Variants in KCNAB1 observed in about 807,000 individuals in gnomAD.
KCNAB1 encodes voltage-gated potassium channel subunit beta-1.
Under a neutral mutation model 64.6 loss-of-function variants are expected in KCNAB1, and 35 were observed. The ratio of observed to expected loss-of-function variants is 0.54; its 90% CI spans 0.41 to 0.72. The LOEUF is 0.72. Among genes scored for constraint, KCNAB1 ranks in the 30% least tolerant of loss-of-function variants. The pLI is 0.00. For synonymous variants in KCNAB1, 177 were observed against 183.8 expected, an observed-to-expected ratio of 0.96 and a Z score of 0.30; for missense variants, 401 against 512.9, an observed-to-expected ratio of 0.78 and a Z score of 2.11.
intron 1 of KCNAB1, among the ~76,000 whole-genome samples, chr3:156,382,744 T>A (rs1343730786): frequency 6.6e-6 from 1 of 152,208 alleles, no homozygotes; most frequent in African/African-American, 2.4e-5. Flanking sequence ...ATTGCCAGAC[T>A]GAGACTGTCC....
At position 156,514,423 on chromosome 3, in the gene KCNAB1, T is replaced by C; in HGVS notation, c.718T>C (p.Ser240Pro). The change falls in exon 9 of 14, where the codon TCG becomes CCG. Residue 240 changes from serine to proline, a missense_variant. Coordinates refer to ENST00000490337, the MANE Select transcript of KCNAB1 (RefSeq NM_172160.3). ...AGGCATGGCGATGTACTGGGGCACC[T>C]CGAGATGGAGTGCTATGGAGATCAT... ...NQGMAMYWGT[S>P]RWSAMEIMEA... The C allele has an allele frequency of 6.2e-7, 1 of 1,613,858 alleles. No individual in the cohort carries two copies. The highest frequency in any genetic ancestry group is 8.5e-7 in the Non-Finnish European group (1 of 1,179,742).
At chr3:156,307,097 T>C (rs1259595773) in intron 1 of KCNAB1, among the ~76,000 whole-genome samples, 2 of 152,242 alleles carry the variant, frequency 1.3e-5, no homozygotes. Context: ...TATGTCTTGC[T>C]ACCTAAGTTT....
In KCNAB1 at chr3:156,251,963, G is replaced by T. The variant is rs113579389; in HGVS notation, c.275+131077G>T. On this transcript the variant is annotated intron_variant, in intron 1 of 13. Transcript: ENST00000490337. ...TCAAGAAGTGACTGAGAAAGAAACT[G>T]TTACTTCCAGTCATGACTGCTGCAT... is the stretch of plus-strand genomic sequence containing the variant. 7.9e-4 allele frequency among the ~76,000 whole-genome samples: 121 copies of T among 152,356 alleles called. 1 individual carries two copies. The highest frequency in any genetic ancestry group is 2.7e-3 in the African/African-American group (113 of 41,588).
intron 1 of KCNAB1, among the ~76,000 whole-genome samples, chr3:156,136,418 T>G (rs1053906509): frequency 6.6e-6 from 1 of 152,174 alleles, no homozygotes; most frequent in Non-Finnish European, 1.5e-5. Flanking sequence ...CCTGTGCTCT[T>G]TCTACTATAC....
At chr3:156,353,684 G>T (rs754358519) in intron 1 of KCNAB1, among the ~76,000 whole-genome samples, 2 of 152,158 alleles carry the variant, frequency 1.3e-5, no homozygotes, top group South Asian at 4.1e-4. Flanking sequence ...CTGGCTATTG[G>T]CCAGAGGCCT....
At chr3:156,300,850 A>G (rs1271591713) in intron 1 of KCNAB1, among the ~76,000 whole-genome samples, 6 of 152,226 alleles carry the variant, frequency 3.9e-5, no homozygotes, top group African/African-American at 1.2e-4. Flanking sequence ...ATAGTTGAGT[A>G]TCCAGGTAGA....
At chr3:156,338,264 T>C (rs1307452922) in intron 1 of KCNAB1, among the ~76,000 whole-genome samples, 2 of 149,754 alleles carry the variant, frequency 1.3e-5, no homozygotes, top group African/African-American at 4.9e-5. Context: ...CACTTTCCCT[T>C]GGGGAGTCAC....
At chr3:156,470,028 G>A (rs565260240) in intron 7 of KCNAB1, among the ~76,000 whole-genome samples, 87 of 152,334 alleles carry the variant, frequency 5.7e-4, no homozygotes, top group African/African-American at 2.0e-3. Context: ...AATTGATACA[G>A]AGTTCAGGCC....
At position 156,474,801 on chromosome 3, in the gene KCNAB1, C is replaced by T. The variant is rs1198458027; in HGVS notation, c.639C>T (p.Asp213=). The change falls in exon 8 of 14, where the codon GAC becomes GAT. Residue 213 remains aspartate, a synonymous_variant. Coordinates refer to ENST00000490337, the MANE Select transcript of KCNAB1 (RefSeq NM_172160.3). ...ATGTGGTCTTTGCAAATCGACCGGA[C>T]AGTAACACTCCCATGGAAGGTAAGT... is the stretch of plus-strand genomic sequence containing the variant. The part of the protein sequence containing the change: ...YVDVVFANRP[D]SNTPMEEIVR... 2 of 1,612,616 alleles carry T rather than the reference C, an allele frequency of 1.2e-6. No individual in the cohort carries two copies. The highest frequency in any genetic ancestry group is 1.7e-6 in the Non-Finnish European group (2 of 1,178,922).
chr3:156,134,856 T>C (rs1714229509), intron 1 of KCNAB1, among the ~76,000 whole-genome samples: 1 of 152,240 alleles, frequency 6.6e-6, no homozygotes. Flanking sequence ...TGAGGGCTTT[T>C]CAGTGGATTG....
intron 13 of KCNAB1, among the ~76,000 whole-genome samples, chr3:156,531,738 T>C (rs1026621579): frequency 2.0e-5 from 3 of 152,234 alleles, no homozygotes; most frequent in African/African-American, 7.2e-5. Context: ...ATTGCAGTGT[T>C]ATACGTGGCA....
Position 156,463,780 on chromosome 3 carries a change from T to A in KCNAB1, c.527+34T>A. On this transcript the variant is annotated intron_variant, in intron 6 of 13. Transcript: ENST00000490337. ...TTTTTCCTACTAAACAGAAAACAAC[T>A]AGTAGTTCATGCTTTTTTGCTGTTA... The A allele has an allele frequency of 1.3e-6, 2 of 1,528,846 alleles. 1 individual carries two copies. 94.7% of individuals were successfully genotyped at this position (1,528,846 alleles called of 1,614,324 possible). A position where few individuals can be genotyped will look rare whatever the true frequency, so the allele number is the denominator to read the frequency against.
intron 1 of KCNAB1, among the ~76,000 whole-genome samples, chr3:156,218,505 G>A (rs1478122725): frequency 6.6e-6 from 1 of 151,944 alleles, no homozygotes; most frequent in Non-Finnish European, 1.5e-5. Flanking sequence ...TTGTCCCTAG[G>A]GCAAATTTGC....
chr3:156,523,270 G>T (rs903986479), intron 11 of KCNAB1, among the ~76,000 whole-genome samples: 3 of 152,136 alleles, frequency 2.0e-5, no homozygotes, highest in Non-Finnish European at 2.9e-5. Context: ...TGCCATGTCT[G>T]CTTCTAGGAA....
intron 1 of KCNAB1, among the ~76,000 whole-genome samples, chr3:156,326,939 A>G (rs1560197356): frequency 6.6e-6 from 1 of 152,190 alleles, no homozygotes; most frequent in East Asian, 1.9e-4. Flanking sequence ...TTAAGAGTAG[A>G]AACAACATTT....
At chr3:156,479,311 T>A (rs185745429) in intron 8 of KCNAB1, among the ~76,000 whole-genome samples, 1 of 152,234 alleles carries the variant, frequency 6.6e-6, no homozygotes, top group East Asian at 1.9e-4. Flanking sequence ...CAAAATCTTC[T>A]CTCGAGCTCA....
At chr3:156,388,223 T>G (rs551832997) in intron 1 of KCNAB1, among the ~76,000 whole-genome samples, 1 of 152,320 alleles carries the variant, frequency 6.6e-6, no homozygotes, top group Admixed American at 6.5e-5. Flanking sequence ...AAGTAGAACC[T>G]TGTATCTGGA....
chr3:156,235,236 C>T (rs1273211664), intron 1 of KCNAB1, among the ~76,000 whole-genome samples: 2 of 152,226 alleles, frequency 1.3e-5, no homozygotes, highest in Non-Finnish European at 2.9e-5. Flanking sequence ...TTGTGTGCCA[C>T]TTGGCCTACA....
rs150245278 is a variant in KCNAB1 at position 156,485,415 on chromosome 3, A to G, written c.658+10595A>G. ...CATTTCATTCATAAATATTTTCTCCAGTATCTCCTGAGAATAAGGCATTCT... is the reference window on the plus strand; with the variant it reads ...CATTTCATTCATAAATATTTTCTCCGGTATCTCCTGAGAATAAGGCATTCT... On this transcript the variant is annotated intron_variant, in intron 8 of 13. Coordinates refer to ENST00000490337, the MANE Select transcript of KCNAB1 (RefSeq NM_172160.3). 7.2e-5 allele frequency among the ~76,000 whole-genome samples: 11 copies of G among 152,176 alleles called. 1 individual carries two copies. The highest frequency in any genetic ancestry group is 2.6e-4 in the African/African-American group (11 of 41,526).
Sources: allele counts gnomAD v4.1 joint callset (sites outside exome capture counted in the v4.1 genomes callset), GRCh38; gene constraint gnomAD v4.1.1; transcripts MANE v1.5; gene names NCBI Gene and HGNC (gene_info 2026-07-23, HGNC 2026-07-21).